HECTD2: variants seen among roughly 807,000 people sequenced by gnomAD.
HECTD2 encodes probable E3 ubiquitin-protein ligase HECTD2.
In HECTD2, 35 loss-of-function variants were observed where a neutral mutation model predicts 103.2. That is an observed-to-expected ratio of 0.34 (90% CI 0.26 to 0.45). The LOEUF is 0.45. HECTD2 is among the 20% of genes least tolerant of loss of function. The pLI is 1.00. For synonymous variants in HECTD2, 281 were observed against 329.9 expected (o/e 0.85, Z 1.61); for missense variants, 596 against 937.4 (o/e 0.64, Z 4.76).
chr10:91,483,111 T>G (rs754776715), intron 8 of HECTD2, 35 bp downstream of exon 8: 1 of 915,794 alleles, frequency 1.1e-6, no homozygotes, highest in African/African-American at 1.7e-5. Context: ...ACTTTTATAG[T>G]CTCACAGTTT....
At chr10:91,427,283 C>T (rs1843609540) in intron 2 of HECTD2, among the ~76,000 whole-genome samples, 1 of 152,046 alleles carries the variant, frequency 6.6e-6, no homozygotes, top group South Asian at 2.1e-4. Flanking sequence ...CAAGTCTTTG[C>T]TATTGTGAAT....
intron 2 of HECTD2, among the ~76,000 whole-genome samples, chr10:91,432,457 T>C (rs999892658): frequency 6.6e-6 from 1 of 151,948 alleles, no homozygotes; most frequent in East Asian, 1.9e-4. Context: ...GTAGGAGTTT[T>C]ACCTACTGTA....
chr10:91,419,639 C>A lies in HECTD2; in HGVS notation c.139-5642C>A, dbSNP rs74149208. 3.7e-3 allele frequency among the ~76,000 whole-genome samples: 566 copies of A among 152,150 alleles called. 3 individuals are homozygous for A. The highest frequency in any genetic ancestry group is 0.013 in the African/African-American group (528 of 41,512). On this transcript the variant is annotated intron_variant, in intron 1 of 20. Transcript: ENST00000298068. Reference sequence around the variant, plus strand: ...TCAGCCTCTGCCTAGAGAGTCAGGTCTATTATTTATTAGGTTGAAATAAAT... The same window carrying A: ...TCAGCCTCTGCCTAGAGAGTCAGGTATATTATTTATTAGGTTGAAATAAAT...
At chr10:91,435,571 T>A (rs960108169) in intron 2 of HECTD2, among the ~76,000 whole-genome samples, 2 of 152,056 alleles carry the variant, frequency 1.3e-5, no homozygotes, top group African/African-American at 4.8e-5. Context: ...CCAGTCTGTA[T>A]GGAGTGCAGC....
At chr10:91,503,272 A>C (rs977690507) in intron 20 of HECTD2, among the ~76,000 whole-genome samples, 8 of 152,240 alleles carry the variant, frequency 5.3e-5, no homozygotes, top group Non-Finnish European at 8.8e-5. Flanking sequence ...ATGAGGGAGG[A>C]GCCAAGATGG....
intron 15 of HECTD2, among the ~76,000 whole-genome samples, chr10:91,497,219 G>A (rs12257663): frequency 0.17 from 23,630 of 135,902 alleles, 4,488 homozygotes; most frequent in African/African-American, 0.48. Flanking sequence ...CAAGTGATCC[G>A]CCTGCCTCAG....
intron 5 of HECTD2, among the ~76,000 whole-genome samples, chr10:91,477,723 T>A (rs1052961265): frequency 1.3e-5 from 2 of 152,220 alleles, no homozygotes; most frequent in African/African-American, 4.8e-5. Flanking sequence ...AAGTTTCTTG[T>A]TAATGAAGCT....
chr10:91,425,300 A>G lies in HECTD2; in HGVS notation c.158A>G (p.Lys53Arg). The G allele has an allele frequency of 1.3e-6, 2 of 1,543,476 alleles. No individual in the cohort carries two copies. Among genetic ancestry groups the G allele is most frequent in the Non-Finnish European group, 1.8e-6 (2 of 1,138,750 alleles). Reference protein sequence around the residue: ...GATAGLDRGAKGQISTFSSFI... With the variant: ...GATAGLDRGARGQISTFSSFI... ...TTTCAGGGTTTGGACAGAGGAGCCAAAGGCCAAATTTCCACTTTCAGCAGT... is the reference window on the plus strand; with the variant it reads ...TTTCAGGGTTTGGACAGAGGAGCCAGAGGCCAAATTTCCACTTTCAGCAGT... The change falls in exon 2 of 21, where the codon AAA becomes AGA. Residue 53 changes from lysine (K) to arginine (R), a missense_variant. Lys to Arg is a conservative substitution (Grantham distance 26). This residue lies in a region of HECTD2 where 220 missense variants were observed against 233.9 expected (regional missense o/e 0.94). Coordinates refer to ENST00000298068, the MANE Select transcript of HECTD2 (RefSeq NM_182765.6).
At chr10:91,453,851 A>G (rs1844943863) in intron 2 of HECTD2, among the ~76,000 whole-genome samples, 1 of 152,178 alleles carries the variant, frequency 6.6e-6, no homozygotes, top group Non-Finnish European at 1.5e-5. Context: ...AAGACATTTT[A>G]TGCAAACATC....
chr10:91,416,402 T>C (rs868732056), intron 1 of HECTD2, among the ~76,000 whole-genome samples: 3 of 152,258 alleles, frequency 2.0e-5, no homozygotes, highest in Admixed American at 6.5e-5. Context: ...TCACATAATC[T>C]GAAGGCAGTC....
intron 12 of HECTD2, among the ~76,000 whole-genome samples, chr10:91,492,066 A>G (rs1235245915): frequency 6.6e-6 from 1 of 152,128 alleles, no homozygotes; most frequent in Non-Finnish European, 1.5e-5. Flanking sequence ...TTAAAAAAAG[A>G]AATGAATTAT....
chr10:91,502,959 A>G (rs185099954), intron 20 of HECTD2, among the ~76,000 whole-genome samples: 1 of 152,346 alleles, frequency 6.6e-6, no homozygotes, highest in South Asian at 2.1e-4. Flanking sequence ...ATTTGACATA[A>G]TAATGGTATG....
rs573550114 is a variant in HECTD2, at chr10:91,438,302, A to C, written c.268+12892A>C. ...CTGTGTCCATGTGTTCTCATTGTTC[A>C]ACTGCCACTTACGAGTGAGAACATG... On this transcript the variant is annotated intron_variant, in intron 2 of 20. Coordinates refer to ENST00000298068, the MANE Select transcript of HECTD2 (RefSeq NM_182765.6). 2.8e-3 allele frequency among the ~76,000 whole-genome samples: 420 copies of C among 152,246 alleles called. 2 individuals are homozygous for C. The highest frequency in any genetic ancestry group is 9.7e-3 in the African/African-American group (405 of 41,558).
Position 91,501,209 on chromosome 10 carries a change from G to A in HECTD2, c.2085G>A (p.Val695=). The change falls in exon 20 of 21, where the codon GTG becomes GTA. Residue 695 remains valine (V), a synonymous_variant. Transcript: ENST00000298068. ...TCTCTAGATACTTTTGGGATGTTGT[G>A]CTTGGATTTCCTCTTGATCTTCAAA... ...DLTIKYFWDV[V]LGFPLDLQKK... 1.2e-6 allele frequency: 2 copies of A among 1,610,210 alleles called. No individual in the cohort carries two copies. The highest frequency in any genetic ancestry group is 1.7e-5 in the Admixed American group (1 of 59,522).
chr10:91,488,013 A>G (rs1846327331), intron 11 of HECTD2: 1 of 277,378 alleles, frequency 3.6e-6, no homozygotes, highest in Non-Finnish European at 6.8e-6. Context: ...AGGAAGAGTA[A>G]ATGCTTCTCA....
chr10:91,420,560 C>A (rs1277575503), intron 1 of HECTD2, among the ~76,000 whole-genome samples: 1 of 151,310 alleles, frequency 6.6e-6, no homozygotes, highest in Non-Finnish European at 1.5e-5. Context: ...TGCACTCCAG[C>A]CTGGGCGACA....
chr10:91,462,311 G>T, intron 5 of HECTD2, 127 bp downstream of exon 5: 1 of 1,173,338 alleles, frequency 8.5e-7, no homozygotes, highest in Non-Finnish European at 1.1e-6. Flanking sequence ...TATAGTAAAT[G>T]TAGCTGGAAT....
chr10:91,437,402 A>G (rs1844164968), intron 2 of HECTD2, among the ~76,000 whole-genome samples: 1 of 152,050 alleles, frequency 6.6e-6, no homozygotes, highest in African/African-American at 2.4e-5. Context: ...CAAACATCTC[A>G]AAAGAGAGAG....
chr10:91,504,057 C>G (rs1207381816), intron 20 of HECTD2, among the ~76,000 whole-genome samples: 9 of 152,192 alleles, frequency 5.9e-5, no homozygotes, highest in East Asian at 3.9e-4. Flanking sequence ...CAGACCTGCA[C>G]CTGAGGGTCC....
Sources: gnomAD v4.1 joint callset for allele counts (sites outside exome capture counted in the v4.1 genomes callset) on GRCh38, gnomAD v4.1.1 for gene constraint, gnomAD v4.1.1 regional missense constraint, MANE v1.5 for transcripts, NCBI Gene and HGNC (gene_info 2026-07-23, HGNC 2026-07-21) for gene names.